The following DSCAML1 variants were observed in gnomAD, a reference collection of about 807,000 sequenced individuals.
The protein encoded by DSCAML1 is DS cell adhesion molecule like 1.
A neutral mutation model predicts 200.5 loss-of-function variants in DSCAML1; 38 were observed. The ratio of observed to expected loss-of-function variants is 0.19; its 90% CI spans 0.15 to 0.25. The LOEUF is 0.25. Among genes scored for constraint, DSCAML1 ranks in the 10% least tolerant of loss-of-function variants. The pLI is 1.00. For missense variants in DSCAML1, 2,223 were observed against 2,858.8 expected (o/e 0.78, Z 5.07); for synonymous variants, 1,215 against 1,165.0 (o/e 1.04, Z -0.87).
At chr11:117,559,702 A>T (rs1297608172) in intron 3 of DSCAML1, among the ~76,000 whole-genome samples, 1 of 152,124 alleles carries the variant, frequency 6.6e-6, no homozygotes, top group Admixed American at 6.5e-5. Flanking sequence ...GCTTGGTGGC[A>T]TGAAGAGGCG....
At chr11:117,525,388 G>A (rs956737674) in intron 4 of DSCAML1, among the ~76,000 whole-genome samples, 1 of 152,128 alleles carries the variant, frequency 6.6e-6, no homozygotes, top group African/African-American at 2.4e-5. Context: ...GGAAGAAGGC[G>A]GAAGAGAGCA....
rs377039092 is a variant in DSCAML1, at chr11:117,435,517, GCTC to G, written c.4876+124_4876+126del. The G allele has an allele frequency of 3.9e-3, 4,357 of 1,129,822 alleles. 13 individuals carry two copies. The highest frequency in any genetic ancestry group is 4.3e-3 in the Non-Finnish European group (3,492 of 820,464). The allele number at this position is 1,129,822 out of a possible 1,614,324, so 70.0% of individuals were successfully genotyped here. On this transcript the variant is annotated intron_variant, in intron 27 of 32. Coordinates refer to ENST00000651296, the MANE Select transcript of DSCAML1 (RefSeq NM_020693.4). ...GAGGTTTCAGAAAGTCTGAGTGGCT[GCTC>G]CTCCTTCAAGGGGACACAGGCACTC...
intron 14 of DSCAML1, among the ~76,000 whole-genome samples, chr11:117,477,851 G>GTGC (rs544379676): frequency 9.2e-4 from 140 of 152,336 alleles, no homozygotes; most frequent in African/African-American, 3.1e-3. Context: ...TGGGTGGGCT[G>GTGC]TGCTGGAGCC....
chr11:117,731,756 CTTAT>C (rs943905094), intron 3 of DSCAML1, among the ~76,000 whole-genome samples: 2 of 152,228 alleles, frequency 1.3e-5, no homozygotes, highest in African/African-American at 4.8e-5. Context: ...GAAAACACCT[CTTAT>C]TTGTCTTTGC....
intron 14 of DSCAML1, among the ~76,000 whole-genome samples, chr11:117,478,571 C>G (rs985344884): frequency 3.3e-5 from 5 of 152,336 alleles, no homozygotes; most frequent in African/African-American, 1.2e-4. Context: ...AAGTCTCCCC[C>G]GGGAGCTCAG....
intron 3 of DSCAML1, among the ~76,000 whole-genome samples, chr11:117,662,658 G>A (rs1430763412): frequency 6.6e-6 from 1 of 152,244 alleles, no homozygotes; most frequent in Non-Finnish European, 1.5e-5. Flanking sequence ...GAAATGGACA[G>A]TATTCAATTA....
intron 3 of DSCAML1, among the ~76,000 whole-genome samples, chr11:117,612,653 A>C (rs2051719907): frequency 6.6e-6 from 1 of 152,218 alleles, no homozygotes; most frequent in African/African-American, 2.4e-5. Flanking sequence ...CTCCCCAGCC[A>C]GTGAGCCCTG....
chr11:117,754,603 G>A (rs2054656705), intron 3 of DSCAML1, among the ~76,000 whole-genome samples: 1 of 152,070 alleles, frequency 6.6e-6, no homozygotes, highest in African/African-American at 2.4e-5. Context: ...AAGAAGCAAG[G>A]ATTTGAAAGC....
chr11:117,618,533 T>C (rs1393606132), intron 3 of DSCAML1, among the ~76,000 whole-genome samples: 4 of 152,080 alleles, frequency 2.6e-5, no homozygotes, highest in Admixed American at 2.6e-4. Context: ...TCCTATAACC[T>C]TTTCTACCAT....
intron 3 of DSCAML1, among the ~76,000 whole-genome samples, chr11:117,545,916 C>T (rs962169722): frequency 1.3e-5 from 2 of 152,230 alleles, no homozygotes; most frequent in African/African-American, 4.8e-5. Flanking sequence ...CCTCCTGTCT[C>T]CTGGCCCATT....
chr11:117,701,913 G>A (rs762636098), intron 3 of DSCAML1, among the ~76,000 whole-genome samples: 2 of 152,184 alleles, frequency 1.3e-5, no homozygotes, highest in Non-Finnish European at 1.5e-5. Context: ...ACACAGTGCC[G>A]GTGCCAGGTG....
chr11:117,450,020 T>C (rs1396725854), intron 20 of DSCAML1, among the ~76,000 whole-genome samples: 1 of 152,124 alleles, frequency 6.6e-6, no homozygotes, highest in African/African-American at 2.4e-5. Context: ...TCGCAGCCTC[T>C]CAATCCTCTC....
Position 117,446,635 on chromosome 11 carries a change from T to TA in DSCAML1, c.3709-2597dup, listed in dbSNP as rs749589924. ...GGTACTTTAAAATAAGGCACATTTA[T>TA]AAAAAATCCATCTAACAAAAATAAA... On this transcript the variant is annotated intron_variant, in intron 20 of 32. Coordinates refer to ENST00000651296, the MANE Select transcript of DSCAML1 (RefSeq NM_020693.4). Among the ~76,000 whole-genome samples the TA allele has an allele frequency of 6.6e-4, 100 of 152,246 alleles. 1 individual carries two copies. Among genetic ancestry groups the TA allele is most frequent in the Middle Eastern group, 6.8e-3 (2 of 294 alleles).
intron 19 of DSCAML1, among the ~76,000 whole-genome samples, chr11:117,457,066 G>A (rs1261658706): frequency 6.6e-6 from 1 of 152,220 alleles, no homozygotes; most frequent in Non-Finnish European, 1.5e-5. Context: ...ATTAGTACTT[G>A]ATGAGGTACC....
Position 117,505,074 on chromosome 11 carries a change from C to A in DSCAML1, c.2063-31G>T. On this transcript the variant is annotated intron_variant, in intron 9 of 32. Coordinates refer to ENST00000651296, the MANE Select transcript of DSCAML1 (RefSeq NM_020693.4). This position sits in a 1 kb window ranked among gnomAD's most constrained non-coding sequence, Gnocchi z 6.7. ...GAAAGAGGGAAGGTAGGGAAACAGA[C>A]CATTTTAGTCTCTGATGGGTCTCCT... The A allele has an allele frequency of 6.3e-7, 1 of 1,597,030 alleles. No individual in the cohort carries two copies. The highest frequency in any genetic ancestry group is 8.6e-7 in the Non-Finnish European group (1 of 1,169,044).
At chr11:117,482,985 A>C (rs1334265235) in intron 11 of DSCAML1, among the ~76,000 whole-genome samples, 1 of 152,246 alleles carries the variant, frequency 6.6e-6, no homozygotes, top group African/African-American at 2.4e-5. Flanking sequence ...AGTAAGATCC[A>C]CAAGCAGTGC....
At chr11:117,571,541 G>C (rs2050848006) in intron 3 of DSCAML1, among the ~76,000 whole-genome samples, 2 of 152,184 alleles carry the variant, frequency 1.3e-5, no homozygotes, top group African/African-American at 4.8e-5. Flanking sequence ...ATTCCCAGGG[G>C]AAGAACCTGC....
Position 117,480,367 on chromosome 11 carries a change from C to T in DSCAML1, c.2785+76G>A. 6.3e-7 allele frequency: 1 copy of T among 1,585,650 alleles called. No homozygotes were observed. The highest frequency in any genetic ancestry group is 8.6e-7 in the Non-Finnish European group (1 of 1,164,752). On this transcript the variant is annotated intron_variant, in intron 14 of 32. Transcript: ENST00000651296. This position sits in a 1 kb window ranked among gnomAD's most constrained non-coding sequence, Gnocchi z 4.1. ...CCCTAAGGCTCAGGGGCTCTCCTCC[C>T]AGAGGGCACAGGCAGGACACGTGGC...
chr11:117,441,693 C>T (rs986481669), intron 21 of DSCAML1, among the ~76,000 whole-genome samples: 1 of 151,954 alleles, frequency 6.6e-6, no homozygotes, highest in Non-Finnish European at 1.5e-5. Flanking sequence ...AGTGAGGGAG[C>T]AGCTGAGAGG....
Sources: allele counts gnomAD v4.1 joint callset (sites outside exome capture counted in the v4.1 genomes callset), GRCh38; gene constraint gnomAD v4.1.1; non-coding constraint Gnocchi (gnomAD v3.1); transcripts MANE v1.5; gene names NCBI Gene and HGNC (gene_info 2026-07-23, HGNC 2026-07-21).